The following FAM161B variants were observed in gnomAD, a reference collection of about 807,000 sequenced individuals.
FAM161B encodes FAM161 centrosomal protein B.
FAM161B carries 46 observed loss-of-function variants against 61.5 expected under a neutral mutation model. That is an observed-to-expected ratio of 0.75 (90% CI 0.59 to 0.96). The LOEUF is 0.96. Among genes scored for constraint, FAM161B ranks in the 40% least tolerant of loss-of-function variants. FAM161B has a pLI of 0.00. For synonymous variants in FAM161B, 284 were observed against 302.7 expected (o/e 0.94, Z 0.64); for missense variants, 774 against 800.7 (o/e 0.97, Z 0.40).
downstream of FAM161B, chr14:73,927,924 A>C (rs902239921): frequency 3.7e-5 from 6 of 164,152 alleles, no homozygotes; most frequent in African/African-American, 1.5e-4. Context: ...TGCAACCTCT[A>C]CCTCCTGGGT....
chr14:73,930,344 G>C (rs2055893134), downstream of FAM161B, among the ~76,000 whole-genome samples: 1 of 151,768 alleles, frequency 6.6e-6, no homozygotes, highest in African/African-American at 2.4e-5. Context: ...AGTTTTTTTG[G>C]TGGATACAGT....
In FAM161B at chr14:73,941,049, G is replaced by A. The variant is rs757258224; in HGVS notation, c.1277C>T (p.Ser426Phe). The A allele has an allele frequency of 6.8e-6, 11 of 1,611,640 alleles. No homozygotes were observed. Among genetic ancestry groups the A allele is most frequent in the Non-Finnish European group, 8.5e-6 (10 of 1,178,694 alleles). ...DAATTGRRQD[S>F]PQPPATPLPR... ...CAGGGGTGTAGCTGGTGGCTGTGGG[G>A]AATCCTAGAAGAAACAAAGGTTGGT... Residue 426 changes from serine (S) to phenylalanine (F), a missense_variant, in exon 5 of 9, where the codon TCC (serine) becomes TTC (phenylalanine). Transcript: ENST00000286544.
intron 5 of FAM161B, among the ~76,000 whole-genome samples, chr14:73,939,464 C>A (rs1240897488): frequency 6.6e-6 from 1 of 152,136 alleles, no homozygotes; most frequent in Non-Finnish European, 1.5e-5. Context: ...GAGGTAAATA[C>A]TAAATTCCCT....
At position 73,949,958 on chromosome 14, in the gene FAM161B, CTT is replaced by C; in HGVS notation, c.54+13_54+14del. 1 of 1,613,450 alleles carries C rather than the reference CTT, an allele frequency of 6.2e-7. No homozygotes were observed. The highest frequency in any genetic ancestry group is 8.5e-7 in the Non-Finnish European group (1 of 1,179,888). On this transcript the variant is annotated intron_variant, in intron 1 of 8. Transcript: ENST00000286544. ...GGGATTCCTTTCCCGGGGGCAGTCT[CTT>C]TTCTCTCCTCACCTGACGGCTCCCC...
At chr14:73,946,227 C>A in intron 2 of FAM161B, 59 bp downstream of exon 2, 1 of 1,515,552 alleles carries the variant, frequency 6.6e-7, no homozygotes, top group Non-Finnish European at 8.9e-7. Flanking sequence ...AGCCCAGAGA[C>A]ACGATGTGAC....
At chr14:73,940,714 A>G (rs1399239631) in intron 5 of FAM161B, among the ~76,000 whole-genome samples, 1 of 152,228 alleles carries the variant, frequency 6.6e-6, no homozygotes, top group Non-Finnish European at 1.5e-5. Context: ...CCTGGCACAG[A>G]ATAAGCCCAC....
rs1469149124 is a variant in FAM161B, at chr14:73,932,409, AAAC to A, written c.*1844_*1846del. The A allele has an allele frequency of 1.6e-5, 7 of 450,340 alleles. No individual in the cohort carries two copies. Among genetic ancestry groups the A allele is most frequent in the Non-Finnish European group, 2.7e-5 (6 of 225,612 alleles). The allele number at this position is 450,340 out of a possible 1,614,324, so 27.9% of individuals were successfully genotyped here. A position where few individuals can be genotyped will look rare whatever the true frequency, so the allele number is the denominator to read the frequency against. On this transcript the variant is annotated 3_prime_UTR_variant, in exon 9 of 9. Transcript: ENST00000286544. ...TAAAACTGAACCGAGGAGTCTTAGG[AAAC>A]AACAAGAACATCTTCATTTCTTAAG...
In FAM161B at chr14:73,932,716, C is replaced by G. The variant is rs553852691; in HGVS notation, c.*1540G>C. 4.6e-4 allele frequency: 151 copies of G among 325,780 alleles called. No individual in the cohort carries two copies. Among genetic ancestry groups the G allele is most frequent in the African/African-American group, 3.0e-3 (138 of 45,762 alleles). The allele number at this position is 325,780 out of a possible 1,614,324, so 20.2% of individuals were successfully genotyped here. A position where few individuals can be genotyped will look rare whatever the true frequency, so the allele number is the denominator to read the frequency against. Reference sequence around the variant, plus strand: ...CATAGCTCAATGTAACCTTGAACTCCTACGCTCAAGGCATCCTCCCACCTC... The same window carrying G: ...CATAGCTCAATGTAACCTTGAACTCGTACGCTCAAGGCATCCTCCCACCTC... On this transcript the variant is annotated 3_prime_UTR_variant, in exon 9 of 9. Transcript: ENST00000286544.
At chr14:73,939,174 C>T (rs555671637) in intron 5 of FAM161B, among the ~76,000 whole-genome samples, 10 of 152,010 alleles carry the variant, frequency 6.6e-5, no homozygotes, top group Non-Finnish European at 1.2e-4. Flanking sequence ...GTGGCACGTG[C>T]CGGTAATCCC....
chr14:73,928,807 G>A (rs540751717), downstream of FAM161B, among the ~76,000 whole-genome samples: 12 of 152,148 alleles, frequency 7.9e-5, no homozygotes. Context: ...AATTATCCAG[G>A]CATAGTGGTG....
chr14:73,926,763 T>C (rs757107258), downstream of FAM161B, among the ~76,000 whole-genome samples: 1 of 152,138 alleles, frequency 6.6e-6, no homozygotes, highest in African/African-American at 2.4e-5. Context: ...TCCTAAAGAT[T>C]TTCCCACATT....
chr14:73,938,634 C>CAT (rs2055991798), intron 5 of FAM161B, among the ~76,000 whole-genome samples: 1 of 147,370 alleles, frequency 6.8e-6, no homozygotes, highest in South Asian at 2.2e-4. Context: ...TAGCCGGGTG[C>CAT]GGTGGTGGGC....
intron 1 of FAM161B, among the ~76,000 whole-genome samples, chr14:73,946,856 G>C (rs896902526): frequency 6.6e-6 from 1 of 152,116 alleles, no homozygotes; most frequent in African/African-American, 2.4e-5. Flanking sequence ...GGGATGGAGA[G>C]GGAAGTGAAG....
chr14:73,944,642 A>G lies in FAM161B; in HGVS notation c.618T>C (p.Gly206=), dbSNP rs200701556. Reference sequence around the variant, plus strand: ...GCCTGTGGCACTCGGCCTCTTCCTCACCCTGCCTCTGGGCCCGCTGCCTCT... The same window carrying G: ...GCCTGTGGCACTCGGCCTCTTCCTCGCCCTGCCTCTGGGCCCGCTGCCTCT... ...EQERQRAQRQ[G]EEEAECHRQF... Residue 206 remains glycine, a synonymous_variant, in exon 3 of 9, where the codon GGT becomes GGC. Transcript: ENST00000286544. The G allele has an allele frequency of 6.2e-7, 1 of 1,610,680 alleles. No individual in the cohort carries two copies. Among genetic ancestry groups the G allele is most frequent in the East Asian group, 2.2e-5 (1 of 44,664 alleles).
chr14:73,946,990 T>G (rs2056072843), intron 1 of FAM161B, among the ~76,000 whole-genome samples: 1 of 152,142 alleles, frequency 6.6e-6, no homozygotes, highest in Non-Finnish European at 1.5e-5. Context: ...CACTCTCCCT[T>G]ACTTGGGTTT....
chr14:73,938,616 C>T (rs2055991472), intron 5 of FAM161B, among the ~76,000 whole-genome samples: 1 of 150,102 alleles, frequency 6.7e-6, no homozygotes, highest in African/African-American at 2.5e-5. Context: ...ACTAAAAATA[C>T]AAAAAATTAG....
chr14:73,923,566 G>C, the FAM161B span: 114 of 1,579,400 alleles, frequency 7.2e-5, no homozygotes, highest in Non-Finnish European at 9.6e-5. Context: ...AATTCATGTG[G>C]GGAATGATTG....
rs756842992 is a variant in FAM161B, at chr14:73,937,710, A to T, written c.1566-9T>A. On this transcript the variant is annotated splice_polypyrimidine_tract_variant and intron_variant, in intron 6 of 8. Coordinates refer to ENST00000286544, the MANE Select transcript of FAM161B (RefSeq NM_152445.3). ...TTTTACGGTCATTGTTCCTGGAATT[A>T]GCAAGACTTTTAGAAAGAATTTCAT... 17 of 1,610,238 alleles carry T rather than the reference A, an allele frequency of 1.1e-5. No homozygotes were observed. The Admixed American group carries it at 2.9e-4, about 27-fold the overall frequency.
In FAM161B at chr14:73,946,390, G is replaced by A; in HGVS notation, c.270C>T (p.Asp90=). The A allele has an allele frequency of 6.2e-7, 1 of 1,614,092 alleles. No individual in the cohort carries two copies. ...WCLLESLFQS[D]PESDENLSED... The stretch of plus-strand genomic sequence containing the variant: ...CAGAGAGGTTTTCATCACTCTCTGG[G>A]TCAGACTGAAAGAGAGACTCCAACA... The change falls in exon 2 of 9, where the codon GAC becomes GAT. Residue 90 remains aspartate, a synonymous_variant. Transcript: ENST00000286544.
Sources: gnomAD v4.1 joint callset for allele counts (sites outside exome capture counted in the v4.1 genomes callset) on GRCh38, gnomAD v4.1.1 for gene constraint, MANE v1.5 for transcripts, NCBI Gene and HGNC (gene_info 2026-07-23, HGNC 2026-07-21) for gene names.